The following MSRB3 variants were observed in gnomAD, a reference collection of about 807,000 sequenced individuals.
MSRB3 encodes the protein methionine sulfoxide reductase B3, also known as methionine-R-sulfoxide reductase B3.
A neutral mutation model predicts 21.0 loss-of-function variants in MSRB3; 13 were observed. The observed-to-expected ratio is 0.62, with a 90% confidence interval of 0.40 to 0.98. MSRB3 has a LOEUF of 0.98. Among genes scored for constraint, MSRB3 ranks in the 50% least tolerant of loss-of-function variants. The pLI, the probability that MSRB3 is intolerant of heterozygous loss-of-function variation, is 0.00. For synonymous variants in MSRB3, 87 were observed against 88.6 expected (o/e 0.98, Z 0.10); for missense variants, 199 against 230.3 (o/e 0.86, Z 0.88).
At chr12:65,303,001 G>T (rs1428622642) in intron 1 of MSRB3, among the ~76,000 whole-genome samples, 1 of 141,262 alleles carries the variant, frequency 7.1e-6, no homozygotes, top group African/African-American at 2.8e-5. Context: ...GGATATTATG[G>T]TGAGATTAGG....
intron 5 of MSRB3, among the ~76,000 whole-genome samples, chr12:65,379,620 G>T (rs1233670409): frequency 2.0e-5 from 3 of 152,078 alleles, no homozygotes; most frequent in Non-Finnish European, 4.4e-5. Context: ...GAATTATATG[G>T]TATATACTCT....
chr12:65,397,745 C>G (rs1024346607), intron 5 of MSRB3, among the ~76,000 whole-genome samples: 5 of 152,116 alleles, frequency 3.3e-5, no homozygotes, highest in Admixed American at 2.6e-4. Flanking sequence ...TCTCCTGATG[C>G]TATCTCTCCC....
intron 4 of MSRB3, among the ~76,000 whole-genome samples, chr12:65,352,214 A>T (rs1877054967): frequency 6.6e-6 from 1 of 152,194 alleles, no homozygotes; most frequent in African/African-American, 2.4e-5. Context: ...GACAAAAACC[A>T]CATAATTATC....
chr12:65,315,412 G>A (rs1874227880), intron 2 of MSRB3, among the ~76,000 whole-genome samples: 1 of 152,042 alleles, frequency 6.6e-6, no homozygotes, highest in Admixed American at 6.6e-5. Flanking sequence ...GGTCGTACCT[G>A]TAATCCAGGC....
chr12:65,362,921 C>A (rs1444739519), intron 4 of MSRB3, among the ~76,000 whole-genome samples: 4 of 152,024 alleles, frequency 2.6e-5, no homozygotes, highest in African/African-American at 9.7e-5. Context: ...ATTGGTAGAC[C>A]TTGTAGGTCT....
chr12:65,408,905 G>T (rs1431151451), intron 5 of MSRB3, among the ~76,000 whole-genome samples: 1 of 152,128 alleles, frequency 6.6e-6, no homozygotes, highest in Non-Finnish European at 1.5e-5. Context: ...AATCATCTGG[G>T]TGTATTTAAA....
chr12:65,431,055 A>G (rs1489158850), intron 5 of MSRB3, among the ~76,000 whole-genome samples: 1 of 152,114 alleles, frequency 6.6e-6, no homozygotes, highest in Non-Finnish European at 1.5e-5. Flanking sequence ...AGATTACTTT[A>G]GTGAGTATTC....
intron 2 of MSRB3, among the ~76,000 whole-genome samples, chr12:65,315,742 T>C (rs371683872): frequency 1.2e-3 from 180 of 151,372 alleles, no homozygotes; most frequent in African/African-American, 4.1e-3. Context: ...TAATAAGAGA[T>C]ATACTTTTAT....
chr12:65,427,876 C>T (rs768905352), intron 5 of MSRB3, among the ~76,000 whole-genome samples: 15 of 152,210 alleles, frequency 9.9e-5, no homozygotes, highest in Non-Finnish European at 2.2e-4. Context: ...ACTCTAGGTT[C>T]TGGAGTACAA....
chr12:65,358,627 C>T (rs1165551811), intron 4 of MSRB3, among the ~76,000 whole-genome samples: 1 of 151,594 alleles, frequency 6.6e-6, no homozygotes, highest in Non-Finnish European at 1.5e-5. Context: ...TATTTCCTGC[C>T]CTAGTCCTAG....
intron 5 of MSRB3, among the ~76,000 whole-genome samples, chr12:65,425,688 C>CT (rs547536581): frequency 4.6e-4 from 70 of 151,250 alleles, no homozygotes; most frequent in African/African-American, 1.5e-3. Flanking sequence ...CAGTTTACAT[C>CT]TTTTTTTTTG....
At chr12:65,375,253 C>G (rs778331972) in intron 5 of MSRB3, among the ~76,000 whole-genome samples, 1 of 152,068 alleles carries the variant, frequency 6.6e-6, no homozygotes, top group South Asian at 2.1e-4. Flanking sequence ...TGGCTAAGTG[C>G]TGAGGTTTGG....
chr12:65,343,948 T>A (rs188670713), intron 4 of MSRB3, among the ~76,000 whole-genome samples: 4 of 152,084 alleles, frequency 2.6e-5, no homozygotes, highest in African/African-American at 9.7e-5. Context: ...AGGTTTAAAG[T>A]CACAACTTTC....
At chr12:65,462,508 A>G (rs968185104) in intron 6 of MSRB3, among the ~76,000 whole-genome samples, 3 of 152,196 alleles carry the variant, frequency 2.0e-5, no homozygotes, top group Non-Finnish European at 4.4e-5. Context: ...ATTAGAGTTC[A>G]TTTGGATAAA....
At chr12:65,324,897 T>C (rs1021276134) in intron 2 of MSRB3, among the ~76,000 whole-genome samples, 2 of 152,254 alleles carry the variant, frequency 1.3e-5, no homozygotes, top group Non-Finnish European at 2.9e-5. Flanking sequence ...TCTTTTTGTA[T>C]GAATGAACGT....
At chr12:65,391,116 G>T (rs1311017006) in intron 5 of MSRB3, among the ~76,000 whole-genome samples, 1 of 152,160 alleles carries the variant, frequency 6.6e-6, no homozygotes, top group Non-Finnish European at 1.5e-5. Flanking sequence ...GTATTTGAAC[G>T]ATAGGAACAT....
chr12:65,428,415 G>A (rs936693205), intron 5 of MSRB3, among the ~76,000 whole-genome samples: 6 of 152,016 alleles, frequency 3.9e-5, no homozygotes, highest in Non-Finnish European at 7.4e-5. Context: ...TATTTTGGGG[G>A]TGCTAAAGGG....
intron 1 of MSRB3, among the ~76,000 whole-genome samples, chr12:65,283,509 C>T (rs1032254885): frequency 9.2e-5 from 14 of 151,980 alleles, no homozygotes; most frequent in Non-Finnish European, 1.8e-4. Context: ...TGGCTCACTG[C>T]AGCCTCGAAC....
chr12:65,333,443 A>G (rs899305362), intron 4 of MSRB3, among the ~76,000 whole-genome samples: 1 of 152,226 alleles, frequency 6.6e-6, no homozygotes, highest in African/African-American at 2.4e-5. Context: ...GATGCCTAGT[A>G]GAGAATACCA....
Sources: gnomAD v4.1 joint callset for allele counts (sites outside exome capture counted in the v4.1 genomes callset) on GRCh38, gnomAD v4.1.1 for gene constraint, MANE v1.5 for transcripts, NCBI Gene and HGNC (gene_info 2026-07-23, HGNC 2026-07-21) for gene names.